CD22: variants seen among roughly 807,000 people sequenced by gnomAD.
The protein encoded by CD22 is CD22 molecule.
A neutral mutation model predicts 94.7 loss-of-function variants in CD22; 51 were observed. The observed-to-expected ratio is 0.54, with a 90% CI of 0.43 to 0.68. The LOEUF is 0.68. Among genes scored for constraint, CD22 ranks in the 30% least tolerant of loss-of-function variants. CD22 has a pLI of 0.00. For synonymous variants in CD22, 424 were observed against 422.5 expected, an observed-to-expected ratio of 1.00 and a Z score of -0.04; for missense variants, 931 against 1,060.4, an observed-to-expected ratio of 0.88 and a Z score of 1.69.
At chr19:35,343,615 T>A (rs1599690497) in intron 9 of CD22, among the ~76,000 whole-genome samples, 1 of 152,120 alleles carries the variant, frequency 6.6e-6, no homozygotes, top group Admixed American at 6.6e-5. Context: ...GGCATGGTGG[T>A]TCATGCCTGT....
chr19:35,345,230 C>T (rs1462420869), intron 11 of CD22, 104 bp downstream of exon 11: 10 of 945,912 alleles, frequency 1.1e-5, no homozygotes, highest in Non-Finnish European at 1.5e-5. Flanking sequence ...CCAGCGTAGC[C>T]AACATGGTGA....
chr19:35,331,921 A>C (rs2066650824), intron 1 of CD22, 98 bp from the exon 2 acceptor site: 2 of 1,596,148 alleles, frequency 1.3e-6, no homozygotes, highest in African/African-American at 2.7e-5. Flanking sequence ...GTCCTCCCGG[A>C]TCCAGGGGAA....
Position 35,341,553 on chromosome 19 carries a change from T to C in CD22, c.1718T>C (p.Val573Ala). The change falls in exon 8 of 14, where the codon GTG becomes GCG. Residue 573 changes from valine to alanine, a missense_variant. Transcript: ENST00000085219. This position sits in a 1 kb window ranked among gnomAD's most constrained non-coding sequence, Gnocchi z 4.0. ...GATGCTGGGAGTTACAGCTGCTGGG[T>C]GAACAACTCCATAGGACAGACAGCG... ...PEDAGSYSCWVNNSIGQTASK... is the reference protein window; with the variant it reads ...PEDAGSYSCWANNSIGQTASK... The C allele has an allele frequency of 1.2e-6, 2 of 1,613,632 alleles. No homozygotes were observed. The highest frequency in any genetic ancestry group is 1.7e-6 in the Non-Finnish European group (2 of 1,179,644).
At chr19:35,338,683 C>T (rs1010686023) in intron 6 of CD22, among the ~76,000 whole-genome samples, 8 of 151,932 alleles carry the variant, frequency 5.3e-5, no homozygotes, top group African/African-American at 1.7e-4. Flanking sequence ...GGCTGGAGTG[C>T]AGTGGCACAA....
intron 1 of CD22, 126 bp from the exon 2 acceptor site, chr19:35,331,893 A>AT (rs2066650315): frequency 6.4e-7 from 1 of 1,553,480 alleles, no homozygotes; most frequent in Non-Finnish European, 8.7e-7. Flanking sequence ...CCACATCCCC[A>AT]TAATGCAACC....
At chr19:35,344,644 T>G in intron 9 of CD22, 185 bp from the exon 10 acceptor site, 2 of 607,870 alleles carry the variant, frequency 3.3e-6, no homozygotes, top group South Asian at 2.0e-5. Flanking sequence ...ATTAGTGCCT[T>G]ATTCCTAAAG....
At chr19:35,342,173 C>T (rs1335058088) in intron 9 of CD22, among the ~76,000 whole-genome samples, 1 of 150,804 alleles carries the variant, frequency 6.6e-6, no homozygotes, top group Admixed American at 6.6e-5. Context: ...CTCCTTCCTT[C>T]TTCTTCTTCT....
intron 3 of CD22, chr19:35,333,219 T>C (rs1317222906): frequency 9.7e-6 from 4 of 412,438 alleles, no homozygotes; most frequent in Non-Finnish European, 1.3e-5. Context: ...GACAAACTCG[T>C]GTTTGGCCTT....
intron 6 of CD22, 149 bp downstream of exon 6, chr19:35,338,580 T>G: frequency 2.6e-6 from 2 of 762,620 alleles, no homozygotes; most frequent in Non-Finnish European, 4.2e-6. Flanking sequence ...TCTCAGCTCC[T>G]AGCATAGGGC....
chr19:35,338,724 G>T (rs993054393), intron 6 of CD22, among the ~76,000 whole-genome samples: 1 of 151,988 alleles, frequency 6.6e-6, no homozygotes, highest in East Asian at 2.0e-4. Context: ...CACCTTCCCG[G>T]GTTCATGCCA....
chr19:35,346,870 C>T lies in CD22; in HGVS notation c.*173C>T. 2.9e-6 allele frequency: 2 copies of T among 688,858 alleles called. No individual in the cohort carries two copies. Among genetic ancestry groups the T allele is most frequent in the Non-Finnish European group, 4.6e-6 (2 of 431,088 alleles). The allele number at this position is 688,858 out of a possible 1,614,324, so 42.7% of individuals were successfully genotyped here. A position where few individuals can be genotyped will look rare whatever the true frequency, so the allele number is the denominator to read the frequency against. On this transcript the variant is annotated 3_prime_UTR_variant, in exon 14 of 14. Coordinates refer to ENST00000085219, the MANE Select transcript of CD22 (RefSeq NM_001771.4). ...GGAGAACCTTGTGCCTGGCTCAGAG[C>T]CAGTCTTTTTGGTGAGGGTAACCCC...
At position 35,346,707 on chromosome 19, in the gene CD22, G is replaced by C. The variant is rs775338965; in HGVS notation, c.*10G>C. ...GATCCTCAAACATTGACACTGGATG[G>C]GCTGCAGCAGAGGCACTGGGGGCAG... On this transcript the variant is annotated 3_prime_UTR_variant, in exon 14 of 14. Transcript: ENST00000085219. The C allele has an allele frequency of 6.3e-6, 10 of 1,597,414 alleles. No homozygotes were observed. In the South Asian group the frequency reaches 1.1e-4, roughly 18 times the overall value.
intron 1 of CD22, among the ~76,000 whole-genome samples, chr19:35,330,248 A>G (rs1232740556): frequency 6.6e-6 from 1 of 152,218 alleles, no homozygotes; most frequent in East Asian, 1.9e-4. Flanking sequence ...AGGCAGGAGA[A>G]TCACTTGAAC....
chr19:35,343,271 T>C (rs1350791125), intron 9 of CD22, among the ~76,000 whole-genome samples: 3 of 151,804 alleles, frequency 2.0e-5, no homozygotes, highest in Non-Finnish European at 2.9e-5. Context: ...AAGCACCTGG[T>C]AAAAAAATAA....
In CD22 at chr19:35,346,818, G is replaced by GCACACACACACACACA; in HGVS notation, c.*125_*140dup. On this transcript the variant is annotated 3_prime_UTR_variant, in exon 14 of 14. Coordinates refer to ENST00000085219, the MANE Select transcript of CD22 (RefSeq NM_001771.4). ...CATGTGCGCACACACACACACACACGCACACACACACACACACACTCACTG... is the reference window on the plus strand; with the variant it reads ...CATGTGCGCACACACACACACACACGCACACACACACACACACACACACACACACACACACTCACTG... 3.0e-6 allele frequency: 2 copies of GCACACACACACACACA among 665,660 alleles called. No individual in the cohort carries two copies. The highest frequency in any genetic ancestry group is 2.4e-6 in the Non-Finnish European group (1 of 423,164). 41.2% of individuals were successfully genotyped at this position (665,660 alleles called of 1,614,324 possible).
Position 35,337,985 on chromosome 19 carries a change from C to A in CD22, c.949C>A (p.Pro317Thr), listed in dbSNP as rs140208512. The change falls in exon 5 of 14, where the codon CCG becomes ACG. Residue 317 changes from proline (P) to threonine (T), a missense_variant. By Grantham distance (38) the Pro-to-Thr change is conservative. Coordinates refer to ENST00000085219, the MANE Select transcript of CD22 (RefSeq NM_001771.4). This position sits in a 1 kb window ranked among gnomAD's most constrained non-coding sequence, Gnocchi z 4.4. ...YCCQVSNDVG[P>T]GRSEEVFLQV... ...CTGTCAGGTCTCCAATGACGTGGGC[C>A]CGGGAAGGTCGGAAGAAGTGTTCCT... 1.2e-6 allele frequency: 2 copies of A among 1,613,544 alleles called. No homozygotes were observed. Among genetic ancestry groups the A allele is most frequent in the Admixed American group, 3.3e-5 (2 of 59,980 alleles).
intron 5 of CD22, 31 bp from the exon 6 acceptor site, chr19:35,338,137 C>T: frequency 6.3e-7 from 1 of 1,589,936 alleles, no homozygotes; most frequent in Non-Finnish European, 8.6e-7. Context: ...GCTCTCCTCA[C>T]CCCTCCACTC....
Position 35,341,685 on chromosome 19 carries a change from C to A in CD22, c.1772-17C>A. The A allele has an allele frequency of 6.2e-7, 1 of 1,607,136 alleles. No individual in the cohort carries two copies. Among genetic ancestry groups the A allele is most frequent in the Non-Finnish European group, 8.5e-7 (1 of 1,176,838 alleles). ...CTGGTAGTGACTTCGCACCCCCTCCCCCTGCCCGCCATGCAGATGCACCCA... is the reference window on the plus strand; with the variant it reads ...CTGGTAGTGACTTCGCACCCCCTCCACCTGCCCGCCATGCAGATGCACCCA... On this transcript the variant is annotated splice_polypyrimidine_tract_variant and intron_variant, in intron 8 of 13. Transcript: ENST00000085219. The surrounding 1 kb of genome is among the most constrained non-coding windows in gnomAD (Gnocchi z 4.0).
intron 3 of CD22, among the ~76,000 whole-genome samples, chr19:35,334,937 G>A (rs1283865583): frequency 6.6e-6 from 1 of 152,026 alleles, no homozygotes; most frequent in Non-Finnish European, 1.5e-5. Flanking sequence ...AGTTAGCCAG[G>A]CGTGGTGGCA....
Sources: gnomAD v4.1 joint callset for allele counts (sites outside exome capture counted in the v4.1 genomes callset) on GRCh38, gnomAD v4.1.1 for gene constraint, Gnocchi (gnomAD v3.1) non-coding constraint, MANE v1.5 for transcripts, NCBI Gene and HGNC (gene_info 2026-07-23, HGNC 2026-07-21) for gene names.